The following TNNI3K variants were observed in gnomAD, a reference collection of about 807,000 sequenced individuals.
TNNI3K encodes serine/threonine-protein kinase TNNI3K.
In TNNI3K, 140 loss-of-function variants were observed where a neutral mutation model predicts 114.5. The ratio of observed to expected loss-of-function variants is 1.22; its 90% CI spans 1.07 to 1.41. TNNI3K has a LOEUF of 1.41. Among genes scored for constraint, TNNI3K ranks in the 40% most tolerant of loss-of-function variants. The probability of loss-of-function intolerance (pLI) is 0.00; values close to 1 mark genes in which losing one functional copy is unlikely to be tolerated. For missense variants in TNNI3K, 1,125 were observed against 1,007.6 expected (o/e 1.12, Z -1.58); for synonymous variants, 347 against 347.5 (o/e 1.00, Z 0.02).
chr1:74,315,491 G>A (rs982650601), intron 5 of TNNI3K, among the ~76,000 whole-genome samples: 1 of 151,596 alleles, frequency 6.6e-6, no homozygotes, highest in Non-Finnish European at 1.5e-5. Flanking sequence ...ATGGAGACTT[G>A]GTTTGGTAAA....
intron 17 of TNNI3K, among the ~76,000 whole-genome samples, chr1:74,385,656 C>G (rs1663434375): frequency 6.6e-6 from 1 of 152,076 alleles, no homozygotes; most frequent in Non-Finnish European, 1.5e-5. Flanking sequence ...TGAATACAAA[C>G]CTGTATCACA....
intron 20 of TNNI3K, among the ~76,000 whole-genome samples, chr1:74,461,532 A>AT (rs560298310): frequency 5.3e-5 from 8 of 151,980 alleles, no homozygotes; most frequent in Middle Eastern, 3.2e-3. Flanking sequence ...AAAATGCCTA[A>AT]TTTTTTGTGA....
intron 11 of TNNI3K, among the ~76,000 whole-genome samples, chr1:74,359,762 C>T (rs1661856229): frequency 6.6e-6 from 1 of 151,948 alleles, no homozygotes; most frequent in Non-Finnish European, 1.5e-5. Context: ...GGAGGAATGT[C>T]AAAGAATTTG....
chr1:74,375,636 G>A (rs983011281), intron 17 of TNNI3K: 1 of 454,156 alleles, frequency 2.2e-6, no homozygotes, highest in Non-Finnish European at 4.4e-6. Flanking sequence ...CTGGCCCCAG[G>A]AGACTGACTC....
intron 5 of TNNI3K, among the ~76,000 whole-genome samples, chr1:74,278,602 T>C (rs1656820443): frequency 1.3e-5 from 2 of 152,210 alleles, no homozygotes; most frequent in African/African-American, 4.8e-5. Context: ...AATAGCTTTG[T>C]TGAGATAAAA....
chr1:74,398,767 A>G (rs1033618342), intron 17 of TNNI3K, among the ~76,000 whole-genome samples: 1 of 152,166 alleles, frequency 6.6e-6, no homozygotes, highest in African/African-American at 2.4e-5. Context: ...GAAGGTATAC[A>G]TATTAGATGG....
At chr1:74,352,849 T>C (rs1661439657) in intron 9 of TNNI3K, among the ~76,000 whole-genome samples, 1 of 152,168 alleles carries the variant, frequency 6.6e-6, no homozygotes, top group Admixed American at 6.5e-5. Flanking sequence ...TGACCCAATT[T>C]TCCAGGTGCT....
chr1:74,237,209 TTTGGCCCAGGA>T (rs771747932), intron 2 of TNNI3K, among the ~76,000 whole-genome samples: 8 of 151,956 alleles, frequency 5.3e-5, no homozygotes, highest in Non-Finnish European at 1.0e-4. Context: ...CTCTTTATAG[TTTGGCCCAGGA>T]TGATGAACTC....
intron 20 of TNNI3K, among the ~76,000 whole-genome samples, chr1:74,463,138 C>A (rs1667519845): frequency 6.6e-6 from 1 of 152,162 alleles, no homozygotes; most frequent in Non-Finnish European, 1.5e-5. Flanking sequence ...CTTATAATAT[C>A]ATGTACATAC....
intron 21 of TNNI3K, among the ~76,000 whole-genome samples, chr1:74,481,785 T>A (rs1055567846): frequency 5.9e-5 from 9 of 152,212 alleles, no homozygotes; most frequent in Non-Finnish European, 1.2e-4. Context: ...TTGTAACACA[T>A]CTTTATCATG....
intron 11 of TNNI3K, among the ~76,000 whole-genome samples, chr1:74,358,535 A>T (rs12127173): frequency 1.3e-5 from 2 of 152,140 alleles, no homozygotes; most frequent in African/African-American, 4.8e-5. Flanking sequence ...AGAGGAGTAC[A>T]AGTAAGAAGA....
intron 23 of TNNI3K, among the ~76,000 whole-genome samples, chr1:74,515,801 C>G (rs1304846420): frequency 6.6e-6 from 1 of 152,172 alleles, no homozygotes; most frequent in Non-Finnish European, 1.5e-5. Context: ...TGAGGTTTTT[C>G]TCTTCAGAAG....
chr1:74,489,066 A>T (rs1410233553), intron 21 of TNNI3K, 123 bp from the exon 22 acceptor site: 5 of 735,538 alleles, frequency 6.8e-6, no homozygotes, highest in Non-Finnish European at 1.1e-5. Flanking sequence ...AGTGTATTTT[A>T]AATAAAAATA....
intron 9 of TNNI3K, among the ~76,000 whole-genome samples, chr1:74,350,073 A>G (rs990645094): frequency 6.6e-6 from 1 of 151,904 alleles, no homozygotes; most frequent in Non-Finnish European, 1.5e-5. Flanking sequence ...TAGGGTGTCA[A>G]TTTTAGATCT....
At chr1:74,538,160 G>A (rs1646682322) in intron 23 of TNNI3K, among the ~76,000 whole-genome samples, 1 of 152,110 alleles carries the variant, frequency 6.6e-6, no homozygotes, top group Non-Finnish European at 1.5e-5. Flanking sequence ...AAAGAAAATT[G>A]AGGAATGTTT....
At chr1:74,374,377 G>A (rs1310220726) in intron 17 of TNNI3K, 1 of 151,846 alleles carries the variant, frequency 6.6e-6, no homozygotes, top group Non-Finnish European at 1.5e-5. Context: ...AACTCTATGG[G>A]ATAGTTGTTA....
chr1:74,309,475 GGATACCAA>G (rs1658859232), intron 5 of TNNI3K, among the ~76,000 whole-genome samples: 1 of 151,430 alleles, frequency 6.6e-6, no homozygotes, highest in Admixed American at 6.6e-5. Context: ...GTATCACCTT[GGATACCAA>G]AATCTGGCAA....
chr1:74,534,512 T>A (rs1557633725), intron 23 of TNNI3K, among the ~76,000 whole-genome samples: 1 of 152,104 alleles, frequency 6.6e-6, no homozygotes, highest in Non-Finnish European at 1.5e-5. Context: ...ACTGTCTGTT[T>A]TTAAGGCTCT....
intron 5 of TNNI3K, among the ~76,000 whole-genome samples, chr1:74,317,877 C>T (rs937507903): frequency 5.9e-5 from 9 of 152,168 alleles, no homozygotes; most frequent in East Asian, 1.9e-4. Context: ...CTGATCAATG[C>T]GCTGCTGAGT....
Sources: gnomAD v4.1 joint callset for allele counts (sites outside exome capture counted in the v4.1 genomes callset) on GRCh38, gnomAD v4.1.1 for gene constraint, MANE v1.5 for transcripts, NCBI Gene and HGNC (gene_info 2026-07-23, HGNC 2026-07-21) for gene names.